The following ADARB2 variants were observed in gnomAD, a reference collection of about 807,000 sequenced individuals.
ADARB2 encodes inactive double-stranded RNA-specific editase B2.
In ADARB2, 25 loss-of-function variants were observed where a neutral mutation model predicts 62.2. The observed-to-expected ratio is 0.40, with a 90% CI of 0.29 to 0.56. The LOEUF (loss-of-function observed/expected upper bound fraction) is 0.56. Ranked by LOEUF, ADARB2 falls within the 20% of genes least tolerant of loss-of-function variation. The pLI is 0.43. For missense variants in ADARB2, 1,071 were observed against 1,077.4 expected (o/e 0.99, Z 0.08); for synonymous variants, 572 against 500.8 (o/e 1.14, Z -1.90).
chr10:1,631,968 A>C (rs1318309442), intron 1 of ADARB2, among the ~76,000 whole-genome samples: 1 of 152,204 alleles, frequency 6.6e-6, no homozygotes, highest in East Asian at 1.9e-4. Context: ...GGAGCTTGCC[A>C]TGCACTGCCT....
chr10:1,441,408 G>T (rs1435285233), intron 1 of ADARB2, among the ~76,000 whole-genome samples: 2 of 152,202 alleles, frequency 1.3e-5, no homozygotes, highest in Non-Finnish European at 2.9e-5. Context: ...TCAGAATAAA[G>T]AGACAACTTC....
intron 1 of ADARB2, among the ~76,000 whole-genome samples, chr10:1,640,936 A>T (rs1178505016): frequency 6.6e-6 from 1 of 152,220 alleles, no homozygotes; most frequent in Non-Finnish European, 1.5e-5. Flanking sequence ...CTGTGGTCTC[A>T]CTTGGCTACA....
intron 1 of ADARB2, among the ~76,000 whole-genome samples, chr10:1,458,895 C>A (rs1831131816): frequency 1.3e-5 from 2 of 152,144 alleles, no homozygotes; most frequent in African/African-American, 4.8e-5. Flanking sequence ...TAAAAAGGTA[C>A]TTTTCAAAAG....
chr10:1,607,191 C>A (rs1833504855), intron 1 of ADARB2, among the ~76,000 whole-genome samples: 1 of 152,150 alleles, frequency 6.6e-6, no homozygotes, highest in Non-Finnish European at 1.5e-5. Flanking sequence ...GTGGCTGATC[C>A]CTAACTCTGG....
chr10:1,406,974 G>C (rs1832712512), intron 1 of ADARB2, among the ~76,000 whole-genome samples: 1 of 152,200 alleles, frequency 6.6e-6, no homozygotes, highest in African/African-American at 2.4e-5. Flanking sequence ...CCTTGGGATG[G>C]CCAGGGACGC....
chr10:1,633,848 C>A (rs1323464027), intron 1 of ADARB2, among the ~76,000 whole-genome samples: 2 of 152,156 alleles, frequency 1.3e-5, no homozygotes, highest in African/African-American at 4.8e-5. Context: ...CGACTCTGAC[C>A]CCTCCTCTAG....
chr10:1,285,786 A>G (rs888777411), intron 3 of ADARB2, among the ~76,000 whole-genome samples: 1 of 152,178 alleles, frequency 6.6e-6, no homozygotes, highest in Admixed American at 6.5e-5. Flanking sequence ...TTCCAACACT[A>G]ATATTTTGAA....
intron 1 of ADARB2, among the ~76,000 whole-genome samples, chr10:1,529,388 C>T (rs1304620184): frequency 1.3e-5 from 2 of 152,186 alleles, no homozygotes; most frequent in Admixed American, 6.5e-5. Context: ...CTGCGAGTCC[C>T]CCACAGATTG....
intron 1 of ADARB2, among the ~76,000 whole-genome samples, chr10:1,601,220 T>A (rs562806708): frequency 1.3e-5 from 2 of 152,266 alleles, no homozygotes; most frequent in African/African-American, 4.8e-5. Context: ...CAGTGGGAGC[T>A]TCCCTAGGTT....
intron 3 of ADARB2, among the ~76,000 whole-genome samples, chr10:1,318,961 T>G (rs1398194021): frequency 6.6e-6 from 1 of 152,202 alleles, no homozygotes; most frequent in Non-Finnish European, 1.5e-5. Context: ...GCCAGCGGCC[T>G]TAATTTCTGT....
At chr10:1,726,083 C>T (rs1835160122) in intron 1 of ADARB2, among the ~76,000 whole-genome samples, 1 of 152,226 alleles carries the variant, frequency 6.6e-6, no homozygotes, top group South Asian at 2.1e-4. Flanking sequence ...TTACTAAATA[C>T]TATTACGGGT....
chr10:1,341,642 C>T (rs1007854853), intron 3 of ADARB2, among the ~76,000 whole-genome samples: 5 of 151,756 alleles, frequency 3.3e-5, no homozygotes, highest in African/African-American at 9.7e-5. Context: ...GAACAACGTG[C>T]CCTGCAACGG....
At chr10:1,555,310 TGAGC>T (rs1277456752) in intron 1 of ADARB2, among the ~76,000 whole-genome samples, 1 of 152,266 alleles carries the variant, frequency 6.6e-6, no homozygotes, top group African/African-American at 2.4e-5. Context: ...CCACAGTGGC[TGAGC>T]GAATTTACAT....
intron 1 of ADARB2, among the ~76,000 whole-genome samples, chr10:1,571,995 G>T (rs1184294575): frequency 2.7e-5 from 4 of 150,372 alleles, no homozygotes; most frequent in African/African-American, 4.9e-5. Flanking sequence ...GAGTGTGCAG[G>T]TGAGTGTGCT....
At chr10:1,479,594 C>A (rs889800039) in intron 1 of ADARB2, among the ~76,000 whole-genome samples, 1 of 152,240 alleles carries the variant, frequency 6.6e-6, no homozygotes, top group Admixed American at 6.5e-5. Flanking sequence ...CCTCCTAAAC[C>A]ATGGGTGGCA....
intron 3 of ADARB2, among the ~76,000 whole-genome samples, chr10:1,285,736 A>C (rs1358516479): frequency 6.6e-6 from 1 of 152,228 alleles, no homozygotes; most frequent in African/African-American, 2.4e-5. Flanking sequence ...TGGAAAATGA[A>C]CTTTAAATGG....
At chr10:1,233,248 C>T (rs1193843776) in intron 6 of ADARB2, among the ~76,000 whole-genome samples, 2 of 152,140 alleles carry the variant, frequency 1.3e-5, no homozygotes, top group Non-Finnish European at 2.9e-5. Flanking sequence ...CTTTATAGTT[C>T]ACCTGGGGAA....
intron 1 of ADARB2, among the ~76,000 whole-genome samples, chr10:1,637,750 A>G (rs190598823): frequency 6.6e-6 from 1 of 152,310 alleles, no homozygotes; most frequent in East Asian, 1.9e-4. Context: ...GCTCGCAATA[A>G]TTTGCCTCGT....
intron 1 of ADARB2, chr10:1,535,711 C>T (rs1016568338): frequency 6.0e-6 from 1 of 167,088 alleles, no homozygotes; most frequent in African/African-American, 2.4e-5. Context: ...ACTCTGTCGA[C>T]ATAACTCACC....
Sources: gnomAD v4.1 joint callset for allele counts (sites outside exome capture counted in the v4.1 genomes callset) on GRCh38, gnomAD v4.1.1 for gene constraint, MANE v1.5 for transcripts, NCBI Gene and HGNC (gene_info 2026-07-23, HGNC 2026-07-21) for gene names.